The following PGGT1B variants were observed in gnomAD, a reference collection of about 807,000 sequenced individuals.
The protein encoded by PGGT1B is geranylgeranyl transferase type-1 subunit beta.
In PGGT1B, 30 loss-of-function variants were observed where a neutral mutation model predicts 46.1. The ratio of observed to expected loss-of-function variants is 0.65; its 90% CI spans 0.49 to 0.88. The LOEUF is 0.88. Among genes scored for constraint, PGGT1B ranks in the 40% least tolerant of loss-of-function variants. The pLI is 0.00. For missense variants in PGGT1B, 376 were observed against 455.9 expected, an observed-to-expected ratio of 0.82 and a Z score of 1.60; for synonymous variants, 170 against 160.0, an observed-to-expected ratio of 1.06 and a Z score of -0.47.
At chr5:115,225,946 C>A (rs543227273) in intron 6 of PGGT1B, among the ~76,000 whole-genome samples, 2 of 151,744 alleles carry the variant, frequency 1.3e-5, no homozygotes, top group East Asian at 3.9e-4. Context: ...CCATGCCCGG[C>A]CAAGTGAAGT....
chr5:115,243,177 CA>C (rs1757401272), intron 2 of PGGT1B, among the ~76,000 whole-genome samples: 1 of 151,934 alleles, frequency 6.6e-6, no homozygotes, highest in African/African-American at 2.4e-5. Context: ...CAATATATAA[CA>C]GAAGTTATAA....
chr5:115,214,050 T>G (rs1756331012), intron 8 of PGGT1B, among the ~76,000 whole-genome samples: 1 of 152,212 alleles, frequency 6.6e-6, no homozygotes, highest in African/African-American at 2.4e-5. Context: ...CCTGTCATAT[T>G]ACATCCATAT....
rs931654047 is a variant in PGGT1B at position 115,210,847 on chromosome 5, T to C, written c.*1555A>G. The C allele has an allele frequency of 6.6e-6, 1 of 152,022 alleles. No homozygotes were observed. The highest frequency in any genetic ancestry group is 1.5e-5 in the Non-Finnish European group (1 of 67,920). The allele number at this position is 152,022 out of a possible 1,614,324, so 9.4% of individuals were successfully genotyped here. A position where few individuals can be genotyped will look rare whatever the true frequency, so the allele number is the denominator to read the frequency against. On this transcript the variant is annotated 3_prime_UTR_variant, in exon 9 of 9. Coordinates refer to ENST00000419445, the MANE Select transcript of PGGT1B (RefSeq NM_005023.4). ...GGATAACATCTGTTATTAAGCTTAC[T>C]TTTTCCCCCACCATCAGAAGATTTA... is the stretch of plus-strand genomic sequence containing the variant.
At position 115,252,848 on chromosome 5, in the gene PGGT1B, A is replaced by T. The variant is rs562212489; in HGVS notation, c.259+289T>A. On this transcript the variant is annotated intron_variant, in intron 2 of 8. Transcript: ENST00000419445. The stretch of plus-strand genomic sequence containing the variant: ...CAGAACTAATCAAACATAAATACTG[A>T]CTATAAATAATCAACAAGTAGTCAT... The T allele has an allele frequency of 6.2e-5, 17 of 275,392 alleles. No individual in the cohort carries two copies. The South Asian group carries it at 6.5e-4, about 10-fold the overall frequency. The allele number at this position is 275,392 out of a possible 1,614,324, so 17.1% of individuals were successfully genotyped here.
In PGGT1B at chr5:115,230,968, T is replaced by A. The variant is rs377386762; in HGVS notation, c.658+8A>T. 5.7e-5 allele frequency: 87 copies of A among 1,539,382 alleles called. 1 individual carries two copies. In the African/African-American group the frequency reaches 1.1e-3, roughly 19 times the overall value. On this transcript the variant is annotated splice_region_variant and intron_variant, in intron 6 of 8. Transcript: ENST00000419445. Reference sequence around the variant, plus strand: ...AAACTACATGTTCACTTATTTAAGATGTCTTACCATGAGATTCAAGTCCAG... The same window carrying A: ...AAACTACATGTTCACTTATTTAAGAAGTCTTACCATGAGATTCAAGTCCAG...
chr5:115,212,619 T>A, intron 8 of PGGT1B, 36 bp from the exon 9 acceptor site: 1 of 1,392,082 alleles, frequency 7.2e-7, no homozygotes, highest in Middle Eastern at 1.8e-4. Context: ...ATAATAGGCA[T>A]TCTTACTTGT....
chr5:115,229,571 C>T (rs1304173660), intron 6 of PGGT1B, among the ~76,000 whole-genome samples: 1 of 152,120 alleles, frequency 6.6e-6, no homozygotes, highest in Non-Finnish European at 1.5e-5. Context: ...CATGTTTGGG[C>T]AGCCCCTCTG....
At position 115,209,773 on chromosome 5, in the gene PGGT1B, A is replaced by C. The variant is rs940173346; in HGVS notation, c.*2629T>G. On this transcript the variant is annotated 3_prime_UTR_variant, in exon 9 of 9. Coordinates refer to ENST00000419445, the MANE Select transcript of PGGT1B (RefSeq NM_005023.4). ...CATTATAAAGAACCTATAATTTGAAATTTGCTGTATTCCAGGTACTATCCT... is the reference window on the plus strand; with the variant it reads ...CATTATAAAGAACCTATAATTTGAACTTTGCTGTATTCCAGGTACTATCCT... The C allele has an allele frequency of 3.0e-4, 45 of 152,090 alleles. No individual in the cohort carries two copies. Among genetic ancestry groups the C allele is most frequent in the African/African-American group, 1.1e-3 (44 of 41,418 alleles). 9.4% of individuals were successfully genotyped at this position (152,090 alleles called of 1,614,324 possible). A position where few individuals can be genotyped will look rare whatever the true frequency, so the allele number is the denominator to read the frequency against.
chr5:115,217,884 A>G (rs1255616352), intron 7 of PGGT1B, among the ~76,000 whole-genome samples: 1 of 152,034 alleles, frequency 6.6e-6, no homozygotes, highest in Non-Finnish European at 1.5e-5. Flanking sequence ...TAAAAATGAA[A>G]AAATTATAAT....
At chr5:115,216,378 G>A (rs1008188054) in intron 8 of PGGT1B, among the ~76,000 whole-genome samples, 1 of 152,162 alleles carries the variant, frequency 6.6e-6, no homozygotes, top group Non-Finnish European at 1.5e-5. Context: ...GACCTCAAGT[G>A]ATCCACCTGC....
In PGGT1B at chr5:115,221,877, G is replaced by T; in HGVS notation, c.790C>A (p.Pro264Thr). 1 of 1,608,910 alleles carries T rather than the reference G, an allele frequency of 6.2e-7. No homozygotes were observed. The highest frequency in any genetic ancestry group is 8.5e-7 in the Non-Finnish European group (1 of 1,177,788). The part of the protein sequence containing the change: ...MRQQNGYHGR[P>T]NKPVDTCYSF... ...TAACAGGTGTCTACAGGCTTATTAGGTCTTCCATGATAACCATTTTGTTGC... is the reference window on the plus strand; with the variant it reads ...TAACAGGTGTCTACAGGCTTATTAGTTCTTCCATGATAACCATTTTGTTGC... The change falls in exon 7 of 9, where the codon CCT (proline) becomes ACT (threonine). Residue 264 changes from proline to threonine, a missense_variant. Transcript: ENST00000419445.
intron 5 of PGGT1B, 86 bp downstream of exon 5, chr5:115,236,304 C>T (rs969324697): frequency 5.5e-5 from 52 of 951,674 alleles, no homozygotes; most frequent in Admixed American, 1.4e-4. Context: ...AAATTGTTGG[C>T]GGAAGAGATG....
intron 2 of PGGT1B, among the ~76,000 whole-genome samples, chr5:115,250,079 A>T (rs539984427): frequency 5.9e-5 from 9 of 152,314 alleles, no homozygotes; most frequent in East Asian, 5.8e-4. Context: ...AATTTTCTGC[A>T]AATTCATCAC....
chr5:115,212,068 G>C lies in PGGT1B; in HGVS notation c.*334C>G. The C allele has an allele frequency of 4.8e-6, 1 of 207,378 alleles. No individual in the cohort carries two copies. Among genetic ancestry groups the C allele is most frequent in the Non-Finnish European group, 9.7e-6 (1 of 102,656 alleles). The allele number at this position is 207,378 out of a possible 1,614,324, so 12.8% of individuals were successfully genotyped here. On this transcript the variant is annotated 3_prime_UTR_variant, in exon 9 of 9. Coordinates refer to ENST00000419445, the MANE Select transcript of PGGT1B (RefSeq NM_005023.4). Reference sequence around the variant, plus strand: ...ATATGAAGTGTAAACTTGAAAATTTGTGTCCATTTTATAATAAGATACAAT... The same window carrying C: ...ATATGAAGTGTAAACTTGAAAATTTCTGTCCATTTTATAATAAGATACAAT...
At chr5:115,259,685 C>CAAAA (rs917531364) in intron 1 of PGGT1B, among the ~76,000 whole-genome samples, 30 of 29,440 alleles carry the variant, frequency 1.0e-3, no homozygotes, top group East Asian at 1.9e-3. Context: ...GAGACTGTCT[C>CAAAA]AAAAAAAAAA....
intron 1 of PGGT1B, among the ~76,000 whole-genome samples, chr5:115,260,427 G>T (rs1245119560): frequency 6.6e-6 from 1 of 152,066 alleles, no homozygotes; most frequent in Non-Finnish European, 1.5e-5. Context: ...GCAATACCAG[G>T]TAAGAGTTGT....
At chr5:115,224,446 C>A (rs1348236048) in intron 6 of PGGT1B, among the ~76,000 whole-genome samples, 1 of 152,186 alleles carries the variant, frequency 6.6e-6, no homozygotes, top group African/African-American at 2.4e-5. Flanking sequence ...AGTTTGGACT[C>A]TGGATTGCCA....
At chr5:115,215,003 CTGAT>C (rs1756369055) in intron 8 of PGGT1B, among the ~76,000 whole-genome samples, 2 of 152,140 alleles carry the variant, frequency 1.3e-5, no homozygotes, top group African/African-American at 2.4e-5. Context: ...TGTTTTACTA[CTGAT>C]TGATTGATTG....
chr5:115,259,102 G>GA (rs1232305048), intron 1 of PGGT1B, among the ~76,000 whole-genome samples: 2 of 152,166 alleles, frequency 1.3e-5, no homozygotes, highest in African/African-American at 4.8e-5. Flanking sequence ...TATGCAATCA[G>GA]AATCTGCATT....
Sources: allele counts gnomAD v4.1 joint callset (sites outside exome capture counted in the v4.1 genomes callset), GRCh38; gene constraint gnomAD v4.1.1; transcripts MANE v1.5; gene names NCBI Gene and HGNC (gene_info 2026-07-23, HGNC 2026-07-21).